Variants in CPS1 observed in about 807,000 individuals in gnomAD.
CPS1 encodes carbamoyl-phosphate synthase 1.
In CPS1, 109 loss-of-function variants were observed where a neutral mutation model predicts 174.6. That is an observed-to-expected ratio of 0.62 (90% CI 0.53 to 0.73). CPS1 has a LOEUF of 0.73. CPS1 is among the 30% of genes least tolerant of loss of function. CPS1 has a pLI of 0.00. For missense variants in CPS1, 1,689 were observed against 1,821.9 expected (o/e 0.93, Z 1.33); for synonymous variants, 637 against 632.0 (o/e 1.01, Z -0.12).
intron 11 of CPS1, among the ~76,000 whole-genome samples, chr2:210,594,289 T>C (rs1457103257): frequency 6.6e-6 from 1 of 151,996 alleles, no homozygotes; most frequent in Non-Finnish European, 1.5e-5. Context: ...TGGAAACTTC[T>C]TTTTTATAAG....
At chr2:210,573,716 A>G (rs1481339945) in intron 2 of CPS1, among the ~76,000 whole-genome samples, 1 of 152,064 alleles carries the variant, frequency 6.6e-6, no homozygotes, top group Non-Finnish European at 1.5e-5. Context: ...TGGTTTCTGT[A>G]AGGGGAGGTA....
At chr2:210,481,110 A>T (rs1222734185) in intron 1 of CPS1, among the ~76,000 whole-genome samples, 2 of 152,172 alleles carry the variant, frequency 1.3e-5, no homozygotes, top group African/African-American at 2.4e-5. Flanking sequence ...AGCTGCTATT[A>T]TATGGAACAC....
chr2:210,577,637 T>C, intron 4 of CPS1, 127 bp downstream of exon 4: 1 of 781,836 alleles, frequency 1.3e-6, no homozygotes, highest in South Asian at 1.4e-5. Context: ...AGAGAGGGAT[T>C]CCTTCTCTTA....
At chr2:210,627,896 C>G (rs1392041648) in intron 21 of CPS1, among the ~76,000 whole-genome samples, 1 of 152,130 alleles carries the variant, frequency 6.6e-6, no homozygotes, top group African/African-American at 2.4e-5. Flanking sequence ...TCCCTTCCTC[C>G]TTTTCCTCCA....
chr2:210,575,918 A>T (rs567324435), intron 2 of CPS1, among the ~76,000 whole-genome samples: 2 of 152,072 alleles, frequency 1.3e-5, no homozygotes, highest in Non-Finnish European at 2.9e-5. Context: ...CAATGTTTCG[A>T]TGGTTACTAT....
At chr2:210,487,129 A>G (rs998459248) in intron 1 of CPS1, among the ~76,000 whole-genome samples, 1 of 152,192 alleles carries the variant, frequency 6.6e-6, no homozygotes, top group Non-Finnish European at 1.5e-5. Flanking sequence ...ATAACTCAAG[A>G]ATATTCTTAA....
chr2:210,632,221 A>C (rs1420443977), intron 21 of CPS1, among the ~76,000 whole-genome samples: 1 of 152,330 alleles, frequency 6.6e-6, no homozygotes, highest in South Asian at 2.1e-4. Context: ...CATGATGGAA[A>C]TTGGTTTTGG....
At chr2:210,542,756 T>C (rs763634389) in intron 1 of CPS1, among the ~76,000 whole-genome samples, 1 of 152,150 alleles carries the variant, frequency 6.6e-6, no homozygotes, top group Non-Finnish European at 1.5e-5. Context: ...GAAACCCTTC[T>C]TGGCTCCACA....
chr2:210,594,421 G>A lies in CPS1; in HGVS notation c.1165-87G>A, dbSNP rs970926924. 3.9e-5 allele frequency: 35 copies of A among 903,272 alleles called. No individual in the cohort carries two copies. The African/African-American group carries it at 5.6e-4, about 14-fold the overall frequency. The allele number at this position is 903,272 out of a possible 1,614,324, so 56.0% of individuals were successfully genotyped here. A position where few individuals can be genotyped will look rare whatever the true frequency, so the allele number is the denominator to read the frequency against. On this transcript the variant is annotated intron_variant, in intron 11 of 37. Coordinates refer to ENST00000233072, the MANE Select transcript of CPS1 (RefSeq NM_001875.5). ...AAAAATTATTTGTTGCTTATCTGAA[G>A]TTCAAATTTAACTGGGTATATTGTG...
At chr2:210,495,825 C>A (rs372473925) in intron 1 of CPS1, among the ~76,000 whole-genome samples, 1 of 152,036 alleles carries the variant, frequency 6.6e-6, no homozygotes, top group African/African-American at 2.4e-5. Context: ...GCATAGAATT[C>A]ACTACCTGCT....
At chr2:210,520,595 T>C (rs1314604043) in intron 1 of CPS1, among the ~76,000 whole-genome samples, 1 of 152,060 alleles carries the variant, frequency 6.6e-6, no homozygotes, top group African/African-American at 2.4e-5. Flanking sequence ...TCATTATCTC[T>C]CCTTTTTGCC....
chr2:210,483,171 C>T (rs186294829), intron 1 of CPS1, among the ~76,000 whole-genome samples: 7 of 151,990 alleles, frequency 4.6e-5, no homozygotes, highest in Admixed American at 6.6e-5. Flanking sequence ...AGCAAAGTAA[C>T]GCTGAGGGTA....
intron 13 of CPS1, among the ~76,000 whole-genome samples, chr2:210,596,601 G>A (rs905157246): frequency 4.0e-5 from 6 of 151,754 alleles, no homozygotes; most frequent in Non-Finnish European, 8.8e-5. Context: ...TCATGTGCAT[G>A]CATACTCACA....
At chr2:210,579,370 T>C (rs1318963359) in intron 4 of CPS1, among the ~76,000 whole-genome samples, 1 of 152,164 alleles carries the variant, frequency 6.6e-6, no homozygotes, top group Non-Finnish European at 1.5e-5. Context: ...AACATTTGGC[T>C]CAAAACATGG....
rs1471189669 is a variant in CPS1, at chr2:210,663,214, C to T, written c.4002+17C>T. 8 of 1,601,268 alleles carry T rather than the reference C, an allele frequency of 5.0e-6. No homozygotes were observed. The South Asian group carries it at 8.8e-5, about 18-fold the overall frequency. The stretch of plus-strand genomic sequence containing the variant: ...ACTGGAGAGGTAACTAGTTAATAAT[C>T]CATGGAAGCTTTCATTAAATCTACT... On this transcript the variant is annotated intron_variant, in intron 33 of 37. Transcript: ENST00000233072.
At position 210,591,860 on chromosome 2, in the gene CPS1, C is replaced by T. The variant is rs1482810775; in HGVS notation, c.977C>T (p.Thr326Ile). Residue 326 changes from threonine (T) to isoleucine (I), a missense_variant, in exon 10 of 38, where the codon ACA becomes ATA. Transcript: ENST00000233072. ...CAGAATCAGCCTGTTTTGAATATCA[C>T]AAACAAACAGGCTTTCATTACTGCT... The part of the protein sequence containing the change: ...RGQNQPVLNI[T>I]NKQAFITAQN... The T allele has an allele frequency of 1.2e-6, 2 of 1,612,354 alleles. No homozygotes were observed. Among genetic ancestry groups the T allele is most frequent in the African/African-American group, 2.7e-5 (2 of 74,790 alleles).
intron 37 of CPS1, 48 bp downstream of exon 37, chr2:210,677,184 T>C: frequency 6.3e-7 from 1 of 1,587,092 alleles, no homozygotes; most frequent in Non-Finnish European, 8.7e-7. Context: ...TTTATTTCTG[T>C]GCCTCCCTTA....
rs752902711 is a variant in CPS1 at position 210,590,122 on chromosome 2, A to C, written c.728A>C (p.His243Pro). Residue 243 changes from histidine (H) to proline (P), a missense_variant, in exon 8 of 38, where the codon CAC becomes CCC. Transcript: ENST00000233072. ...CTTTTCCAGCGAGGAGCTGAAGTGCACTTAGTTCCCTGGAACCATGATTTC... is the reference window on the plus strand; with the variant it reads ...CTTTTCCAGCGAGGAGCTGAAGTGCCCTTAGTTCCCTGGAACCATGATTTC... ...RLLVKRGAEVHLVPWNHDFTK... is the reference protein window; with the variant it reads ...RLLVKRGAEVPLVPWNHDFTK... 1.9e-6 allele frequency: 3 copies of C among 1,612,804 alleles called. No individual in the cohort carries two copies. Among genetic ancestry groups the C allele is most frequent in the Non-Finnish European group, 2.5e-6 (3 of 1,179,102 alleles).
intron 1 of CPS1, among the ~76,000 whole-genome samples, chr2:210,502,158 C>T (rs1254153037): frequency 6.6e-6 from 1 of 151,938 alleles, no homozygotes; most frequent in Non-Finnish European, 1.5e-5. Context: ...CAATTATTTC[C>T]ACCTGGTCCC....
Sources: gnomAD v4.1 joint callset for allele counts (sites outside exome capture counted in the v4.1 genomes callset) on GRCh38, gnomAD v4.1.1 for gene constraint, MANE v1.5 for transcripts, NCBI Gene and HGNC (gene_info 2026-07-23, HGNC 2026-07-21) for gene names.